The following XRCC4 variants were observed in gnomAD, a reference collection of about 807,000 sequenced individuals.
The protein encoded by XRCC4 is X-ray repair cross complementing 4.
In XRCC4, 28 loss-of-function variants were observed where a neutral mutation model predicts 39.1. That is an observed-to-expected ratio of 0.72 (90% CI 0.53 to 0.98). The LOEUF (loss-of-function observed/expected upper bound fraction) is 0.98, where lower values mean the gene tolerates loss of function less well. Among genes scored for constraint, XRCC4 ranks in the 50% least tolerant of loss-of-function variants. XRCC4 has a pLI of 0.00. For synonymous variants in XRCC4, 123 were observed against 126.4 expected (o/e 0.97, Z 0.18); for missense variants, 350 against 376.4 (o/e 0.93, Z 0.58).
chr5:83,316,713 G>A (rs1755899985), intron 7 of XRCC4, among the ~76,000 whole-genome samples: 2 of 120,132 alleles, frequency 1.7e-5, no homozygotes, highest in South Asian at 3.2e-4. Flanking sequence ...CAAGTCCTGA[G>A]TGACCTACAA....
intron 1 of XRCC4, among the ~76,000 whole-genome samples, chr5:83,091,077 A>G (rs1479218600): frequency 1.3e-5 from 2 of 152,212 alleles, no homozygotes; most frequent in African/African-American, 4.8e-5. Flanking sequence ...CATGCTGTAC[A>G]ATTGATCTAA....
the XRCC4 span, among the ~76,000 whole-genome samples, chr5:83,363,439 G>A: frequency 6.6e-6 from 1 of 152,196 alleles, no homozygotes; most frequent in Non-Finnish European, 1.5e-5. Context: ...AAGCTGATTA[G>A]ATTTGTGCTT....
intron 6 of XRCC4, among the ~76,000 whole-genome samples, chr5:83,205,748 T>C (rs1308362466): frequency 1.3e-5 from 2 of 151,986 alleles, no homozygotes; most frequent in Admixed American, 6.6e-5. Context: ...AAATATAAAA[T>C]ATGTTAGGTT....
At chr5:83,284,845 A>G (rs964515159) in intron 7 of XRCC4, among the ~76,000 whole-genome samples, 1 of 152,142 alleles carries the variant, frequency 6.6e-6, no homozygotes, top group African/African-American at 2.4e-5. Context: ...ATACTATTAG[A>G]ATAGCACTAC....
chr5:83,109,949 AG>A (rs1271743002), intron 2 of XRCC4, among the ~76,000 whole-genome samples: 1 of 152,028 alleles, frequency 6.6e-6, no homozygotes, highest in African/African-American at 2.4e-5. Flanking sequence ...AAGGACTATG[AG>A]TGAATAAAAG....
At chr5:83,084,346 A>T (rs1463895707) in intron 1 of XRCC4, among the ~76,000 whole-genome samples, 1 of 152,202 alleles carries the variant, frequency 6.6e-6, no homozygotes, top group Non-Finnish European at 1.5e-5. Flanking sequence ...GATGAAAGTG[A>T]GTTGTGCCTT....
intron 6 of XRCC4, among the ~76,000 whole-genome samples, chr5:83,258,111 A>G (rs891788113): frequency 3.3e-5 from 5 of 152,118 alleles, no homozygotes; most frequent in Non-Finnish European, 5.9e-5. Flanking sequence ...TGGGTGCAGC[A>G]CACCACCGTG....
intron 7 of XRCC4, among the ~76,000 whole-genome samples, chr5:83,339,795 C>A (rs141307576): frequency 4.6e-5 from 7 of 152,230 alleles, no homozygotes; most frequent in East Asian, 1.9e-4. Flanking sequence ...TAACAACCAG[C>A]CTTGCTCTTT....
intron 6 of XRCC4, among the ~76,000 whole-genome samples, chr5:83,255,879 T>C (rs911272487): frequency 5.3e-5 from 8 of 152,186 alleles, no homozygotes; most frequent in African/African-American, 1.9e-4. Flanking sequence ...CACAGAACCA[T>C]TTAAAAATTT....
Position 83,113,311 on chromosome 5 carries a change from C to T in XRCC4, c.315+2108C>T, listed in dbSNP as rs146745357. 6.6e-3 allele frequency among the ~76,000 whole-genome samples: 1,005 copies of T among 152,338 alleles called. 9 individuals carry two copies. Among genetic ancestry groups the T allele is most frequent in the African/African-American group, 0.022 (903 of 41,570 alleles). On this transcript the variant is annotated intron_variant, in intron 3 of 7. Transcript: ENST00000396027. ...AGGTGATGCTAATGCAAGAGGCGGA[C>T]TCCCACAACCTTGAGCAGCTCCACC...
At chr5:83,280,039 G>T in intron 7 of XRCC4, 2 of 199,680 alleles carry the variant, frequency 1.0e-5, no homozygotes, top group South Asian at 1.9e-4. Flanking sequence ...AAAACAATGT[G>T]GCAAGCTGAG....
chr5:83,280,642 A>G (rs947033475), intron 7 of XRCC4: 12 of 322,210 alleles, frequency 3.7e-5, no homozygotes, highest in Non-Finnish European at 6.6e-5. Context: ...CCAAGCTACC[A>G]TGATAGACTC....
intron 6 of XRCC4, among the ~76,000 whole-genome samples, chr5:83,217,502 A>G (rs972467261): frequency 2.0e-5 from 3 of 152,010 alleles, no homozygotes; most frequent in Non-Finnish European, 2.9e-5. Context: ...ATACAAGTAT[A>G]CTTCTTGTTT....
chr5:83,303,278 G>C (rs1755358908), intron 7 of XRCC4, among the ~76,000 whole-genome samples: 1 of 149,200 alleles, frequency 6.7e-6, no homozygotes, highest in African/African-American at 2.5e-5. Context: ...TCTATATTAA[G>C]AATCTAAAGT....
intron 6 of XRCC4, among the ~76,000 whole-genome samples, chr5:83,244,082 T>G (rs988071086): frequency 7.3e-5 from 10 of 136,734 alleles, no homozygotes; most frequent in Non-Finnish European, 9.3e-5. Flanking sequence ...GTAACTAATT[T>G]AAAAGATATT....
At chr5:83,309,280 AAAAAAAAAAAAAAAAAATATAT>A (rs1181935910) in intron 7 of XRCC4, among the ~76,000 whole-genome samples, 1 of 120,124 alleles carries the variant, frequency 8.3e-6, no homozygotes, top group Non-Finnish European at 1.6e-5. Flanking sequence ...AAAAAAAAAA[AAAAAAAAAAAAAAAAAATATAT>A]ATATATATAT....
chr5:83,107,002 A>G (rs1331448481), intron 2 of XRCC4, among the ~76,000 whole-genome samples: 4 of 152,000 alleles, frequency 2.6e-5, no homozygotes, highest in Non-Finnish European at 5.9e-5. Flanking sequence ...TTTTTTAGCT[A>G]GTGGAATTTA....
intron 2 of XRCC4, among the ~76,000 whole-genome samples, chr5:83,110,108 A>G (rs1746375589): frequency 6.6e-6 from 1 of 151,954 alleles, no homozygotes; most frequent in Non-Finnish European, 1.5e-5. Flanking sequence ...GACCCCCAGA[A>G]AGGCAACCTT....
intron 1 of XRCC4, among the ~76,000 whole-genome samples, chr5:83,101,617 T>C (rs1304434410): frequency 1.3e-5 from 2 of 152,116 alleles, no homozygotes; most frequent in Non-Finnish European, 2.9e-5. Flanking sequence ...GACTTGGAAA[T>C]ATAAGTGGTG....
Sources: gnomAD v4.1 joint callset for allele counts (sites outside exome capture counted in the v4.1 genomes callset) on GRCh38, gnomAD v4.1.1 for gene constraint, MANE v1.5 for transcripts, NCBI Gene and HGNC (gene_info 2026-07-23, HGNC 2026-07-21) for gene names.